The following SLC35E3 variants were observed in gnomAD, a reference collection of about 807,000 sequenced individuals.
SLC35E3 encodes solute carrier family 35 member E3.
A neutral mutation model predicts 30.8 loss-of-function variants in SLC35E3; 28 were observed. The observed-to-expected ratio is 0.91, with a 90% CI of 0.67 to 1.25. The LOEUF is 1.25. SLC35E3 is among the 50% of genes most tolerant of loss of function. The pLI is 0.00. For missense variants in SLC35E3, 365 were observed against 375.4 expected (o/e 0.97, Z 0.23); for synonymous variants, 146 against 149.2 (o/e 0.98, Z 0.16).
At position 68,770,387 on chromosome 12, in the gene SLC35E3, C is replaced by T. The variant is rs1424430599; in HGVS notation, c.*5497C>T. On this transcript the variant is annotated 3_prime_UTR_variant, in exon 5 of 5. Transcript: ENST00000398004. ...TTAGTGGAGGAGAACCAGAGAGATGCCAGGAGACCAGTTAGTTGGGAGATG... is the reference window on the plus strand; with the variant it reads ...TTAGTGGAGGAGAACCAGAGAGATGTCAGGAGACCAGTTAGTTGGGAGATG... 6.6e-6 allele frequency: 1 copy of T among 152,236 alleles called. No individual in the cohort carries two copies. Among genetic ancestry groups the T allele is most frequent in the African/African-American group, 2.4e-5 (1 of 41,364 alleles). 9.4% of individuals were successfully genotyped at this position (152,236 alleles called of 1,614,324 possible).
chr12:68,760,665 T>G (rs1879208527), intron 4 of SLC35E3, among the ~76,000 whole-genome samples: 1 of 152,190 alleles, frequency 6.6e-6, no homozygotes, highest in East Asian at 1.9e-4. Context: ...AACATTAATT[T>G]ATTCAATAAG....
At chr12:68,756,447 T>C (rs1481453549) in intron 3 of SLC35E3, among the ~76,000 whole-genome samples, 1 of 151,664 alleles carries the variant, frequency 6.6e-6, no homozygotes, top group African/African-American at 2.4e-5. Context: ...CAACTTTTTT[T>C]TTTTTTTTCC....
chr12:68,766,781 T>C lies in SLC35E3; in HGVS notation c.*1891T>C. 1 of 451,218 alleles carries C rather than the reference T, an allele frequency of 2.2e-6. No individual in the cohort carries two copies. Among genetic ancestry groups the C allele is most frequent in the Non-Finnish European group, 4.4e-6 (1 of 225,484 alleles). The allele number at this position is 451,218 out of a possible 1,614,324, so 28.0% of individuals were successfully genotyped here. A position where few individuals can be genotyped will look rare whatever the true frequency, so the allele number is the denominator to read the frequency against. On this transcript the variant is annotated 3_prime_UTR_variant, in exon 5 of 5. Transcript: ENST00000398004. The stretch of plus-strand genomic sequence containing the variant: ...TATATTTTTTGTAGAGACAGAGTTT[T>C]GCCATGTTGCTCAGGCTGATCTCAA...
chr12:68,763,522 C>T (rs1324091458), intron 4 of SLC35E3, among the ~76,000 whole-genome samples: 3 of 151,896 alleles, frequency 2.0e-5, no homozygotes, highest in East Asian at 1.9e-4. Flanking sequence ...CCCGAGTAGC[C>T]GGTATTACAG....
chr12:68,746,807 C>T (rs745402506), intron 1 of SLC35E3, 28 bp downstream of exon 1: 11 of 1,537,508 alleles, frequency 7.2e-6, no homozygotes, highest in African/African-American at 6.9e-5. Context: ...CCCAAGGCGC[C>T]GCTCTCCCGA....
At chr12:68,749,990 G>A (rs1292169580) in intron 2 of SLC35E3, among the ~76,000 whole-genome samples, 3 of 152,138 alleles carry the variant, frequency 2.0e-5, no homozygotes, top group Non-Finnish European at 4.4e-5. Context: ...TGGGTAAGAG[G>A]GAAGGAAGGG....
At chr12:68,750,747 A>G (rs1878758326) in intron 2 of SLC35E3, among the ~76,000 whole-genome samples, 1 of 152,226 alleles carries the variant, frequency 6.6e-6, no homozygotes, top group South Asian at 2.1e-4. Flanking sequence ...CCCAAGGAGC[A>G]GGCAGCAGAA....
In SLC35E3 at chr12:68,772,507, C is replaced by A. The variant is rs1879629386; in HGVS notation, c.*7617C>A. 1 of 152,038 alleles carries A rather than the reference C, an allele frequency of 6.6e-6. No homozygotes were observed. Among genetic ancestry groups the A allele is most frequent in the African/African-American group, 2.4e-5 (1 of 41,402 alleles). The allele number at this position is 152,038 out of a possible 1,614,324, so 9.4% of individuals were successfully genotyped here. On this transcript the variant is annotated 3_prime_UTR_variant, in exon 5 of 5. Transcript: ENST00000398004. ...AGTTACTTTATACTTCATATGAAGT[C>A]ATTAGGAGGTGAATTATTGCCAATT...
At position 68,766,266 on chromosome 12, in the gene SLC35E3, C is replaced by T. The variant is rs1007891307; in HGVS notation, c.*1376C>T. ...CTTTGGAAGGTTGAGGCAGGCAGAT[C>T]ACCTGAGGTTGGGAGTTCAAGACCA... On this transcript the variant is annotated 3_prime_UTR_variant, in exon 5 of 5. Transcript: ENST00000398004. The T allele has an allele frequency of 6.6e-6, 1 of 152,020 alleles. No homozygotes were observed. The highest frequency in any genetic ancestry group is 1.5e-5 in the Non-Finnish European group (1 of 68,042). The allele number at this position is 152,020 out of a possible 1,614,324, so 9.4% of individuals were successfully genotyped here.
At position 68,746,775 on chromosome 12, in the gene SLC35E3, C is replaced by G. The variant is rs767908024; in HGVS notation, c.398C>G (p.Thr133Arg). 1 of 1,579,760 alleles carries G rather than the reference C, an allele frequency of 6.3e-7. No homozygotes were observed. The highest frequency in any genetic ancestry group is 1.8e-5 in the Admixed American group (1 of 55,898). Residue 133 changes from threonine to arginine, a missense_variant, in exon 1 of 5, where the codon ACG becomes AGG. By Grantham distance (71) the Thr-to-Arg change is moderately conservative. Transcript: ENST00000398004. Reference sequence around the variant, plus strand: ...ACCTTCTCCACCAGAATCCAGCTCACGCTGGTGAGTAGCTTCAGCTTCCCA... The same window carrying G: ...ACCTTCTCCACCAGAATCCAGCTCAGGCTGGTGAGTAGCTTCAGCTTCCCA... ...QKTFSTRIQL[T>R]LIPITLGVIL...
Position 68,747,935 on chromosome 12 carries a change from T to A in SLC35E3, c.408T>A (p.Pro136=), listed in dbSNP as rs1706916842. The change falls in exon 2 of 5, where the codon CCT becomes CCA. Residue 136 remains proline, a synonymous_variant. Coordinates refer to ENST00000398004, the MANE Select transcript of SLC35E3 (RefSeq NM_018656.5). ...TTACCTCTTTTTCGTTACAGATTCCTATAACTTTAGGTGTAATCCTAAATT... is the reference window on the plus strand; with the variant it reads ...TTACCTCTTTTTCGTTACAGATTCCAATAACTTTAGGTGTAATCCTAAATT... ...FSTRIQLTLI[P]ITLGVILNSY... 6.5e-7 allele frequency: 1 copy of A among 1,546,380 alleles called. No individual in the cohort carries two copies. Among genetic ancestry groups the A allele is most frequent in the Non-Finnish European group, 8.9e-7 (1 of 1,122,214 alleles).
At position 68,765,969 on chromosome 12, in the gene SLC35E3, T is replaced by C. The variant is rs191929054; in HGVS notation, c.*1079T>C. 3 of 151,922 alleles carry C rather than the reference T, an allele frequency of 2.0e-5. No individual in the cohort carries two copies. In the East Asian group the frequency reaches 5.8e-4, roughly 30 times the overall value. The allele number at this position is 151,922 out of a possible 1,614,324, so 9.4% of individuals were successfully genotyped here. On this transcript the variant is annotated 3_prime_UTR_variant, in exon 5 of 5. Coordinates refer to ENST00000398004, the MANE Select transcript of SLC35E3 (RefSeq NM_018656.5). Reference sequence around the variant, plus strand: ...TGTTATTTTGATCAGAGTATTCAAATCAGAATTTAAATCTAGTGTTTCTAT... The same window carrying C: ...TGTTATTTTGATCAGAGTATTCAAACCAGAATTTAAATCTAGTGTTTCTAT...
intron 1 of SLC35E3, among the ~76,000 whole-genome samples, 186 bp from the exon 2 acceptor site, chr12:68,747,744 A>G (rs1020011931): frequency 6.6e-6 from 1 of 152,240 alleles, no homozygotes; most frequent in Non-Finnish European, 1.5e-5. Context: ...TAGATTTGTC[A>G]TATTTCACGT....
In SLC35E3 at chr12:68,747,921, TCG is replaced by T; in HGVS notation, c.403-8_403-7del. On this transcript the variant is annotated splice_region_variant and splice_polypyrimidine_tract_variant and intron_variant, in intron 1 of 4. Transcript: ENST00000398004. ...AATCTGAACAACATTTACCTCTTTT[TCG>T]TTACAGATTCCTATAACTTTAGGTG... is the stretch of plus-strand genomic sequence containing the variant. 7.1e-7 allele frequency: 1 copy of T among 1,414,346 alleles called. No homozygotes were observed. The highest frequency in any genetic ancestry group is 9.9e-7 in the Non-Finnish European group (1 of 1,005,596). The allele number at this position is 1,414,346 out of a possible 1,614,324, so 87.6% of individuals were successfully genotyped here.
At chr12:68,763,791 G>C (rs146081859) in intron 4 of SLC35E3, among the ~76,000 whole-genome samples, 33 of 152,318 alleles carry the variant, frequency 2.2e-4, no homozygotes, top group African/African-American at 7.5e-4. Context: ...GTTACTGGCA[G>C]TATTTTGGAT....
chr12:68,746,456 T>C lies in SLC35E3; in HGVS notation c.79T>C (p.Cys27Arg). ...CCTGTTCAACCTGCTGGTGTCCATC[T>C]GCATTGTGTTCCTCAACAAATGGAT... is the stretch of plus-strand genomic sequence containing the variant. ...GLLFNLLVSICIVFLNKWIYV... is the reference protein window; with the variant it reads ...GLLFNLLVSIRIVFLNKWIYV... Residue 27 changes from cysteine (C) to arginine (R), a missense_variant, in exon 1 of 5, where the codon TGC (cysteine) becomes CGC (arginine). By Grantham distance (180) the Cys-to-Arg change is radical. Coordinates refer to ENST00000398004, the MANE Select transcript of SLC35E3 (RefSeq NM_018656.5). The C allele has an allele frequency of 6.2e-7, 1 of 1,614,124 alleles. No individual in the cohort carries two copies. Among genetic ancestry groups the C allele is most frequent in the Non-Finnish European group, 8.5e-7 (1 of 1,179,952 alleles).
intron 3 of SLC35E3, among the ~76,000 whole-genome samples, chr12:68,754,339 A>G (rs1434511296): frequency 1.3e-5 from 2 of 152,124 alleles, no homozygotes; most frequent in Non-Finnish European, 2.9e-5. Flanking sequence ...GCTATAGTGC[A>G]GTGGCGTGAT....
chr12:68,758,702 A>ACTG (rs1879121480), intron 3 of SLC35E3, among the ~76,000 whole-genome samples: 1 of 119,794 alleles, frequency 8.3e-6, no homozygotes, highest in Admixed American at 8.4e-5. Context: ...TGCAATTCTT[A>ACTG]CTGTCTCCCA....
At chr12:68,756,941 C>G (rs189070994) in intron 3 of SLC35E3, among the ~76,000 whole-genome samples, 2 of 152,114 alleles carry the variant, frequency 1.3e-5, no homozygotes, top group African/African-American at 4.8e-5. Flanking sequence ...CGTGAACCCG[C>G]GAGGCGGAGC....
Sources: gnomAD v4.1 joint callset for allele counts (sites outside exome capture counted in the v4.1 genomes callset) on GRCh38, gnomAD v4.1.1 for gene constraint, MANE v1.5 for transcripts, NCBI Gene and HGNC (gene_info 2026-07-23, HGNC 2026-07-21) for gene names.